PKHD1: variants seen among roughly 807,000 people sequenced by gnomAD.
The protein encoded by PKHD1 is fibrocystin.
A neutral mutation model predicts 412.0 loss-of-function variants in PKHD1; 291 were observed. The ratio of observed to expected loss-of-function variants is 0.71; its 90% confidence interval spans 0.64 to 0.78. The LOEUF is 0.78. PKHD1 is among the 30% of genes least tolerant of loss of function. The pLI is 0.00. For missense variants in PKHD1, 4,825 were observed against 4,950.7 expected, an observed-to-expected ratio of 0.97 and a Z score of 0.76; for synonymous variants, 1,777 against 1,821.5, an observed-to-expected ratio of 0.98 and a Z score of 0.62.
chr6:52,082,174 C>T (rs962784885), intron 4 of PKHD1, among the ~76,000 whole-genome samples: 4 of 152,136 alleles, frequency 2.6e-5, no homozygotes, highest in Admixed American at 6.5e-5. Flanking sequence ...CCCCTCCTTA[C>T]GAATATCTCA....
At chr6:52,042,503 G>C (rs1226236798) in intron 27 of PKHD1, among the ~76,000 whole-genome samples, 1 of 152,086 alleles carries the variant, frequency 6.6e-6, no homozygotes, top group Admixed American at 6.6e-5. Flanking sequence ...AGGCTATGTT[G>C]ACAAGACCCA....
chr6:51,758,368 C>T (rs1416807424), intron 55 of PKHD1, among the ~76,000 whole-genome samples: 1 of 152,106 alleles, frequency 6.6e-6, no homozygotes, highest in Admixed American at 6.6e-5. Flanking sequence ...GTATCAATAG[C>T]CTAGTTGGTT....
intron 52 of PKHD1, among the ~76,000 whole-genome samples, chr6:51,802,677 G>T (rs1763116565): frequency 6.6e-6 from 1 of 151,430 alleles, no homozygotes; most frequent in South Asian, 2.1e-4. Context: ...GAATATCTAT[G>T]AAATAAGTGA....
In PKHD1 at chr6:52,046,175, T is replaced by G; in HGVS notation, c.2421A>C (p.Gln807His). Residue 807 changes from glutamine (Q) to histidine (H), a missense_variant, in exon 24 of 67, where the codon CAA becomes CAC. Coordinates refer to ENST00000371117, the MANE Select transcript of PKHD1 (RefSeq NM_138694.4). The stretch of plus-strand genomic sequence containing the variant: ...GCTGGTGAAGGTGATGAGCAGAAAT[T>G]TGTACAGGGACATCTGTGAGAGAAG... The part of the protein sequence containing the change: ...PNTVISDVPV[Q>H]ISAHHLHQLL... 1.9e-6 allele frequency: 3 copies of G among 1,612,646 alleles called. No homozygotes were observed. The highest frequency in any genetic ancestry group is 2.5e-6 in the Non-Finnish European group (3 of 1,178,678).
intron 49 of PKHD1, among the ~76,000 whole-genome samples, chr6:51,848,918 GT>G (rs11356592): frequency 0.88 from 110,905 of 125,468 alleles, 48,629 homozygotes; most frequent in East Asian, 0.96. Context: ...TTTTTTTTTA[GT>G]TTTTTTTTTT....
chr6:51,757,404 A>G (rs745518053), intron 55 of PKHD1, among the ~76,000 whole-genome samples: 1 of 152,144 alleles, frequency 6.6e-6, no homozygotes, highest in Non-Finnish European at 1.5e-5. Context: ...AAACTCATAA[A>G]GCTTCATTTT....
In PKHD1 at chr6:52,026,022, G is replaced by A. The variant is rs1283205019; in HGVS notation, c.3788C>T (p.Pro1263Leu). The A allele has an allele frequency of 1.4e-5, 22 of 1,614,024 alleles. No homozygotes were observed. Among genetic ancestry groups the A allele is most frequent in the Non-Finnish European group, 1.8e-5 (21 of 1,180,046 alleles). ...PAPQIPDAGA[P>L]TVPAAVEVWA... ...GACCTCCACGGCAGCTGGAACAGTG[G>A]GAGCGCCCGCATCGGGTATCTGGGG... is the stretch of plus-strand genomic sequence containing the variant. Residue 1263 changes from proline to leucine, a missense_variant, in exon 32 of 67, where the codon CCC (proline) becomes CTC (leucine). Pro to Leu is a moderately conservative substitution (Grantham distance 98, BLOSUM62 -3). Coordinates refer to ENST00000371117, the MANE Select transcript of PKHD1 (RefSeq NM_138694.4).
chr6:51,989,630 GTTA>G (rs777478787), intron 35 of PKHD1, among the ~76,000 whole-genome samples: 109 of 151,962 alleles, frequency 7.2e-4, no homozygotes, highest in South Asian at 5.4e-3. Flanking sequence ...GCCTGTTTTT[GTTA>G]TTATTTTTCA....
At position 51,775,825 on chromosome 6, in the gene PKHD1, A is replaced by G. The variant is rs746817715; in HGVS notation, c.8537T>C (p.Ile2846Thr). 3.3e-6 allele frequency: 5 copies of G among 1,499,762 alleles called. No homozygotes were observed. Among genetic ancestry groups the G allele is most frequent in the Non-Finnish European group, 3.7e-6 (4 of 1,076,930 alleles). The allele number at this position is 1,499,762 out of a possible 1,614,324, so 92.9% of individuals were successfully genotyped here. The part of the protein sequence containing the change: ...VFCDRMNGIH[I>T]DPGTIGVYGK... ...ACTCTTACCAATTGTTCCTGGGTCA[A>G]TATGAATTCCATTCATACGGTCACA... Residue 2846 changes from isoleucine (I) to threonine (T), a missense_variant, in exon 54 of 67, where the codon ATT (isoleucine) becomes ACT (threonine). Transcript: ENST00000371117.
chr6:51,766,937 C>T (rs1166262051), intron 55 of PKHD1, among the ~76,000 whole-genome samples: 8 of 151,998 alleles, frequency 5.3e-5, no homozygotes, highest in Non-Finnish European at 7.4e-5. Flanking sequence ...GTCTTTACTG[C>T]TTTAAATTAC....
intron 60 of PKHD1, among the ~76,000 whole-genome samples, chr6:51,713,044 G>A (rs2150772034): frequency 6.6e-6 from 1 of 152,174 alleles, no homozygotes; most frequent in African/African-American, 2.4e-5. Context: ...TATCTAGCAG[G>A]TTGTAAACAC....
intron 14 of PKHD1, 21 bp from the exon 15 acceptor site, chr6:52,060,063 T>G: frequency 1.4e-6 from 2 of 1,404,598 alleles, no homozygotes; most frequent in Non-Finnish European, 2.0e-6. Flanking sequence ...GAACATAGAG[T>G]CAAGCAAGAG....
chr6:51,664,973 C>T (rs1581926360), intron 60 of PKHD1, among the ~76,000 whole-genome samples: 1 of 151,916 alleles, frequency 6.6e-6, no homozygotes, highest in Non-Finnish European at 1.5e-5. Context: ...ATAAAATATT[C>T]TCATCATTCT....
intron 35 of PKHD1, among the ~76,000 whole-genome samples, chr6:51,992,281 T>C (rs1797130825): frequency 6.6e-6 from 1 of 152,262 alleles, no homozygotes; most frequent in African/African-American, 2.4e-5. Flanking sequence ...AGAAATATGC[T>C]TCTCTAGGTG....
At chr6:51,811,456 GATA>G in intron 52 of PKHD1, among the ~76,000 whole-genome samples, 1 of 152,154 alleles carries the variant, frequency 6.6e-6, no homozygotes, top group Admixed American at 6.5e-5. Flanking sequence ...TTACTGATAT[GATA>G]GTATTTTGAA....
Position 52,058,601 on chromosome 6 carries a change from C to A in PKHD1, c.1234G>T (p.Val412Leu). 6.2e-7 allele frequency: 1 copy of A among 1,613,884 alleles called. No individual in the cohort carries two copies. The highest frequency in any genetic ancestry group is 8.5e-7 in the Non-Finnish European group (1 of 1,179,958). Residue 412 changes from valine to leucine, a missense_variant and splice_region_variant, in exon 16 of 67, where the codon GTG (valine) becomes TTG (leucine). By Grantham distance (32) the Val-to-Leu change is conservative. Coordinates refer to ENST00000371117, the MANE Select transcript of PKHD1 (RefSeq NM_138694.4). ...CCGACGCTGATGGAGGCCACTTTCA[C>A]CTATGCCCAAATAAGCATATCATGA... ...FSWSEEPRTKVKVASISVGTA... is the reference protein window; with the variant it reads ...FSWSEEPRTKLKVASISVGTA...
At chr6:51,799,575 C>T (rs916836562) in intron 52 of PKHD1, among the ~76,000 whole-genome samples, 1 of 152,152 alleles carries the variant, frequency 6.6e-6, no homozygotes, top group African/African-American at 2.4e-5. Flanking sequence ...AAAATAAGCA[C>T]ATGCCATATA....
intron 37 of PKHD1, among the ~76,000 whole-genome samples, chr6:51,917,189 T>TA (rs1783949663): frequency 2.6e-5 from 1 of 39,176 alleles, no homozygotes; most frequent in Non-Finnish European, 5.3e-5. Context: ...GAGGGAGAGG[T>TA]GGGGGGGAGA....
intron 60 of PKHD1, among the ~76,000 whole-genome samples, chr6:51,707,257 T>A (rs182981512): frequency 4.0e-4 from 61 of 152,248 alleles, no homozygotes; most frequent in African/African-American, 1.3e-3. Context: ...TCTTCACTCA[T>A]CCTTTCTGCT....
Sources: allele counts gnomAD v4.1 joint callset (sites outside exome capture counted in the v4.1 genomes callset), GRCh38; gene constraint gnomAD v4.1.1; transcripts MANE v1.5; gene names NCBI Gene and HGNC (gene_info 2026-07-23, HGNC 2026-07-21).